Variants in OXCT1 observed in about 807,000 individuals in gnomAD.
OXCT1 encodes 3-oxoacid CoA-transferase 1.
Under a neutral mutation model 69.6 loss-of-function variants are expected in OXCT1, and 27 were observed. The observed-to-expected ratio is 0.39, with a 90% confidence interval of 0.29 to 0.54. The LOEUF is 0.54. Among genes scored for constraint, OXCT1 ranks in the 20% least tolerant of loss-of-function variants. The pLI, the probability that OXCT1 is intolerant of heterozygous loss-of-function variation, is 0.72. For missense variants in OXCT1, 437 were observed against 650.2 expected (o/e 0.67, Z 3.57); for synonymous variants, 202 against 217.8 (o/e 0.93, Z 0.64).
chr5:41,800,635 C>A (rs912953015), intron 11 of OXCT1, among the ~76,000 whole-genome samples: 10 of 151,478 alleles, frequency 6.6e-5, no homozygotes, highest in African/African-American at 2.4e-4. Context: ...GAAATCACAG[C>A]AACCTGTCCC....
chr5:41,754,699 C>G (rs901660499), intron 14 of OXCT1, among the ~76,000 whole-genome samples: 5 of 152,136 alleles, frequency 3.3e-5, no homozygotes, highest in African/African-American at 1.2e-4. Flanking sequence ...TTATACAGCG[C>G]CTACACTATA....
At chr5:41,782,637 T>C (rs1301421902) in intron 13 of OXCT1, among the ~76,000 whole-genome samples, 3 of 152,222 alleles carry the variant, frequency 2.0e-5, no homozygotes, top group Non-Finnish European at 4.4e-5. Flanking sequence ...TTCCAGACTC[T>C]GGATATTAGT....
intron 13 of OXCT1, among the ~76,000 whole-genome samples, chr5:41,783,064 C>A (rs1414104809): frequency 6.6e-6 from 1 of 152,164 alleles, no homozygotes; most frequent in Admixed American, 6.5e-5. Flanking sequence ...TGAAAATAAT[C>A]TTTCAGATAA....
chr5:41,807,419 A>G lies in OXCT1; in HGVS notation c.752T>C (p.Ile251Thr). 1 of 1,594,418 alleles carries G rather than the reference A, an allele frequency of 6.3e-7. No individual in the cohort carries two copies. The highest frequency in any genetic ancestry group is 8.6e-7 in the Non-Finnish European group (1 of 1,162,846). ...GATGTCTTCTGGAGCAAATGCTCCA[A>G]TATCCACAATTTCTTCAACCTAGAC... ...TVVEVEEIVD[I>T]GAFAPEDIHI... The change falls in exon 8 of 17, where the codon ATT (isoleucine) becomes ACT (threonine). Residue 251 changes from isoleucine to threonine, a missense_variant. By Grantham distance (89) the Ile-to-Thr change is moderately conservative. Around this residue, in one of 4 missense-constraint regions of OXCT1, gnomAD observed 252 missense variants for 397.4 expected, o/e 0.63. Coordinates refer to ENST00000196371, the MANE Select transcript of OXCT1 (RefSeq NM_000436.4).
At chr5:41,792,699 G>T (rs1034707765) in intron 13 of OXCT1, among the ~76,000 whole-genome samples, 1 of 152,162 alleles carries the variant, frequency 6.6e-6, no homozygotes, top group South Asian at 2.1e-4. Context: ...TGAAAGATCA[G>T]TATTTTTACA....
At chr5:41,859,893 T>TATATATATATATATATGTA (rs1214767006) in intron 3 of OXCT1, among the ~76,000 whole-genome samples, 98 of 131,002 alleles carry the variant, frequency 7.5e-4, no homozygotes, top group Non-Finnish European at 7.8e-4. Flanking sequence ...ATATGTAATA[T>TATATATATATATATATGTA]ATATATATAT....
At position 41,835,716 on chromosome 5, in the gene OXCT1, C is replaced by T. The variant is rs565410663; in HGVS notation, c.732+4735G>A. Among the ~76,000 whole-genome samples the T allele has an allele frequency of 1.1e-4, 16 of 152,238 alleles. No homozygotes were observed. In the South Asian group the frequency reaches 1.5e-3, roughly 14 times the overall value. On this transcript the variant is annotated intron_variant, in intron 7 of 16. Coordinates refer to ENST00000196371, the MANE Select transcript of OXCT1 (RefSeq NM_000436.4). Reference sequence around the variant, plus strand: ...AATAGTTGAAAGGGCCTTGGGTAAACCTTTGCTGTCTCGTAAACTAGCCAT... The same window carrying T: ...AATAGTTGAAAGGGCCTTGGGTAAATCTTTGCTGTCTCGTAAACTAGCCAT...
In OXCT1 at chr5:41,853,564, A is replaced by G. The variant is rs1425479215; in HGVS notation, c.279-10T>C. 1.1e-5 allele frequency: 17 copies of G among 1,613,420 alleles called. No individual in the cohort carries two copies. Among genetic ancestry groups the G allele is most frequent in the Non-Finnish European group, 1.4e-5 (16 of 1,179,686 alleles). ...ACCAAAATTGTCAACCCTAGAAGGA[A>G]AATGAAGGGAGCTTACCAAAGAGCA... On this transcript the variant is annotated splice_polypyrimidine_tract_variant and intron_variant, in intron 3 of 16. Transcript: ENST00000196371.
chr5:41,793,863 T>G, intron 13 of OXCT1, 140 bp downstream of exon 13: 1 of 660,500 alleles, frequency 1.5e-6, no homozygotes. Flanking sequence ...GCTTACTTAA[T>G]TAAAATTTGA....
intron 14 of OXCT1, among the ~76,000 whole-genome samples, chr5:41,752,703 T>C (rs1743854235): frequency 6.6e-6 from 1 of 152,050 alleles, no homozygotes; most frequent in Non-Finnish European, 1.5e-5. Flanking sequence ...GCTATGCTCA[T>C]GCCATTGCAC....
chr5:41,761,108 T>C (rs1340595574), intron 14 of OXCT1, among the ~76,000 whole-genome samples: 1 of 152,100 alleles, frequency 6.6e-6, no homozygotes, highest in African/African-American at 2.4e-5. Flanking sequence ...GCAAAGAAGA[T>C]GAAGAAAGCA....
chr5:41,781,524 A>G (rs1745399503), intron 13 of OXCT1, among the ~76,000 whole-genome samples: 2 of 151,654 alleles, frequency 1.3e-5, no homozygotes, highest in Admixed American at 6.6e-5. Context: ...AATGTGTGCC[A>G]TGGTGTTTTG....
At chr5:41,771,628 A>G (rs10079815) in intron 13 of OXCT1, among the ~76,000 whole-genome samples, 152,146 of 152,296 alleles carry the variant, frequency 1, 76,000 homozygotes, top group Non-Finnish European at 1. Context: ...GGCTAAGTGA[A>G]TTCAGCTTGT....
intron 13 of OXCT1, among the ~76,000 whole-genome samples, chr5:41,767,034 A>G (rs1482620713): frequency 6.6e-6 from 1 of 152,162 alleles, no homozygotes; most frequent in Non-Finnish European, 1.5e-5. Flanking sequence ...TTATTAAAAA[A>G]TGCTCTAGAA....
chr5:41,846,220 T>C (rs1282927945), intron 5 of OXCT1, among the ~76,000 whole-genome samples: 9 of 150,360 alleles, frequency 6.0e-5, no homozygotes, highest in Admixed American at 3.3e-4. Context: ...CATGCTGGTG[T>C]GCTGCACCCA....
chr5:41,740,107 T>C (rs1300575740), intron 15 of OXCT1, among the ~76,000 whole-genome samples: 1 of 152,178 alleles, frequency 6.6e-6, no homozygotes, highest in Non-Finnish European at 1.5e-5. Context: ...CTAACACTTT[T>C]GGTCAAAGGT....
intron 7 of OXCT1, among the ~76,000 whole-genome samples, chr5:41,830,509 T>C (rs1471900719): frequency 6.6e-6 from 1 of 152,222 alleles, no homozygotes; most frequent in Non-Finnish European, 1.5e-5. Context: ...AAAGAGCATG[T>C]AGCATAGTAA....
At chr5:41,850,310 A>C (rs1163809594) in intron 4 of OXCT1, 131 bp from the exon 5 acceptor site, 1 of 956,176 alleles carries the variant, frequency 1.0e-6, no homozygotes, top group Non-Finnish European at 1.6e-6. Context: ...GTACATTAGC[A>C]TACTTCACTA....
intron 5 of OXCT1, among the ~76,000 whole-genome samples, chr5:41,846,828 C>G (rs1015620420): frequency 3.3e-5 from 5 of 152,158 alleles, no homozygotes; most frequent in African/African-American, 1.2e-4. Context: ...GCCATTCTAA[C>G]TGGTGTGAGA....
Sources: gnomAD v4.1 joint callset for allele counts (sites outside exome capture counted in the v4.1 genomes callset) on GRCh38, gnomAD v4.1.1 for gene constraint, gnomAD v4.1.1 regional missense constraint, MANE v1.5 for transcripts, NCBI Gene and HGNC (gene_info 2026-07-23, HGNC 2026-07-21) for gene names.